Variants in PEPD observed in about 807,000 individuals in gnomAD.
The protein encoded by PEPD is peptidase D.
Under a neutral mutation model 60.7 loss-of-function variants are expected in PEPD, and 53 were observed. The observed-to-expected ratio is 0.87, with a 90% CI of 0.70 to 1.10. The LOEUF is 1.10. Among genes scored for constraint, PEPD ranks in the 50% least tolerant of loss-of-function variants. The probability of loss-of-function intolerance (pLI) is 0.00; values close to 1 mark genes in which losing one functional copy is unlikely to be tolerated. For synonymous variants in PEPD, 267 were observed against 284.1 expected (o/e 0.94, Z 0.60); for missense variants, 711 against 711.9 (o/e 1.00, Z 0.01).
intron 14 of PEPD, 165 bp from the exon 15 acceptor site, chr19:33,387,646 C>T (rs1328874142): frequency 2.2e-6 from 2 of 897,208 alleles, no homozygotes; most frequent in African/African-American, 3.3e-5. Flanking sequence ...GCCCATGTCA[C>T]CTGCTCACCC....
At chr19:33,432,010 A>AAAAAAAAAAAAAAAAAAAAAAAAAAAC (rs1031542443) in intron 9 of PEPD, among the ~76,000 whole-genome samples, 1 of 147,602 alleles carries the variant, frequency 6.8e-6, no homozygotes, top group African/African-American at 2.5e-5. Context: ...AAAAAAAAAA[A>AAAAAAAAAAAAAAAAAAAAAAAAAAAC]GGGAAGATTA....
Position 33,507,542 on chromosome 19 carries a change from C to T in PEPD, c.329+3486G>A, listed in dbSNP as rs576089388. ...CGGCAGATCCTGCAGACGGGGGTGTCGTTTCCCTGGGCGACTTTGGATTGC... is the reference window on the plus strand; with the variant it reads ...CGGCAGATCCTGCAGACGGGGGTGTTGTTTCCCTGGGCGACTTTGGATTGC... On this transcript the variant is annotated intron_variant, in intron 3 of 14. Transcript: ENST00000244137. 1.2e-4 allele frequency among the ~76,000 whole-genome samples: 18 copies of T among 152,234 alleles called. No homozygotes were observed. The East Asian group carries it at 2.3e-3, about 20-fold the overall frequency.
chr19:33,421,792 G>C (rs969260259), intron 9 of PEPD, among the ~76,000 whole-genome samples: 5 of 152,098 alleles, frequency 3.3e-5, no homozygotes, highest in African/African-American at 1.2e-4. Flanking sequence ...ACTGTGCCTG[G>C]CCTATTTTTA....
intron 7 of PEPD, among the ~76,000 whole-genome samples, chr19:33,468,291 GCAAA>G (rs1238158468): frequency 6.6e-6 from 1 of 152,238 alleles, no homozygotes; most frequent in African/African-American, 2.4e-5. Context: ...AGGTATCAAT[GCAAA>G]CACTCTCAAG....
chr19:33,497,652 A>G (rs373438507), intron 4 of PEPD, among the ~76,000 whole-genome samples: 12 of 152,194 alleles, frequency 7.9e-5, no homozygotes, highest in African/African-American at 2.9e-4. Flanking sequence ...GGCCACCCCA[A>G]GTGAGATGGG....
chr19:33,425,679 A>G (rs1362440125), intron 9 of PEPD, among the ~76,000 whole-genome samples: 1 of 152,200 alleles, frequency 6.6e-6, no homozygotes, highest in African/African-American at 2.4e-5. Context: ...TAAAACATAT[A>G]TTTAAAGGAA....
chr19:33,471,103 T>C (rs921832764), intron 7 of PEPD, among the ~76,000 whole-genome samples: 2 of 152,084 alleles, frequency 1.3e-5, no homozygotes, highest in Non-Finnish European at 2.9e-5. Context: ...GCTTTTCTAA[T>C]CTTACTTTGG....
At chr19:33,405,643 G>A (rs1399506119) in intron 11 of PEPD, among the ~76,000 whole-genome samples, 1 of 152,240 alleles carries the variant, frequency 6.6e-6, no homozygotes, top group Admixed American at 6.5e-5. Context: ...CAGGGTGCAT[G>A]GGCCGGCTGC....
At chr19:33,500,594 C>T (rs1057442651) in intron 4 of PEPD, among the ~76,000 whole-genome samples, 7 of 152,220 alleles carry the variant, frequency 4.6e-5, no homozygotes, top group African/African-American at 1.2e-4. Context: ...ACGAAGACCC[C>T]GGCCCAGCCT....
chr19:33,402,481 G>A (rs1012448950), intron 11 of PEPD, among the ~76,000 whole-genome samples: 2 of 152,220 alleles, frequency 1.3e-5, no homozygotes, highest in Non-Finnish European at 2.9e-5. Flanking sequence ...TAGGGCCTCT[G>A]GCTCTGCTGC....
At chr19:33,440,470 C>G (rs1969461706) in intron 9 of PEPD, among the ~76,000 whole-genome samples, 1 of 152,144 alleles carries the variant, frequency 6.6e-6, no homozygotes, top group Admixed American at 6.5e-5. Flanking sequence ...AGCCAAACAG[C>G]TGGACCGTGG....
At chr19:33,480,928 C>G (rs1970303548) in intron 6 of PEPD, among the ~76,000 whole-genome samples, 1 of 151,964 alleles carries the variant, frequency 6.6e-6, no homozygotes, top group African/African-American at 2.4e-5. Context: ...GATCATTCTC[C>G]AGGATACACT....
chr19:33,448,120 G>T (rs569580127), intron 9 of PEPD, among the ~76,000 whole-genome samples: 1 of 152,184 alleles, frequency 6.6e-6, no homozygotes, highest in African/African-American at 2.4e-5. Context: ...AAAAACTCAC[G>T]GCCCGGAATA....
At chr19:33,475,274 A>AG (rs1038450650) in intron 7 of PEPD, among the ~76,000 whole-genome samples, 19 of 151,946 alleles carry the variant, frequency 1.3e-4, no homozygotes, top group African/African-American at 4.4e-4. Flanking sequence ...TCAAGACCTA[A>AG]GGGCAAAAGA....
At chr19:33,432,282 T>G (rs1969290796) in intron 9 of PEPD, among the ~76,000 whole-genome samples, 1 of 152,182 alleles carries the variant, frequency 6.6e-6, no homozygotes, top group African/African-American at 2.4e-5. Flanking sequence ...TGGAATCAGA[T>G]TCTTTGGCAA....
intron 6 of PEPD, among the ~76,000 whole-genome samples, chr19:33,480,176 A>G (rs1970287823): frequency 6.6e-6 from 1 of 152,248 alleles, no homozygotes; most frequent in African/African-American, 2.4e-5. Context: ...ATTCAAAGAC[A>G]CAAATAGGTT....
chr19:33,497,956 C>G (rs1970637643), intron 4 of PEPD, among the ~76,000 whole-genome samples: 1 of 152,138 alleles, frequency 6.6e-6, no homozygotes, highest in African/African-American at 2.4e-5. Flanking sequence ...GTACCACTCC[C>G]CTCCAGCTGT....
At chr19:33,515,524 C>T (rs1971008962) in intron 1 of PEPD, among the ~76,000 whole-genome samples, 2 of 152,096 alleles carry the variant, frequency 1.3e-5, no homozygotes, top group Admixed American at 6.5e-5. Flanking sequence ...GCTAAAAGTG[C>T]AGTCACCAGC....
chr19:33,412,742 T>C (rs1008982643), intron 10 of PEPD, among the ~76,000 whole-genome samples: 12 of 152,248 alleles, frequency 7.9e-5, no homozygotes, highest in African/African-American at 2.9e-4. Flanking sequence ...ACATGTATTA[T>C]TCATGTGCCG....
Sources: allele counts gnomAD v4.1 joint callset (sites outside exome capture counted in the v4.1 genomes callset), GRCh38; gene constraint gnomAD v4.1.1; transcripts MANE v1.5; gene names NCBI Gene and HGNC (gene_info 2026-07-23, HGNC 2026-07-21).